PIP5K1C: variants seen among roughly 807,000 people sequenced by gnomAD.
PIP5K1C encodes the protein phosphatidylinositol 4-phosphate 5-kinase type-1 gamma.
Under a neutral mutation model 80.1 loss-of-function variants are expected in PIP5K1C, and 45 were observed. The observed-to-expected ratio is 0.56, with a 90% CI of 0.44 to 0.72. PIP5K1C has a LOEUF of 0.72. Among genes scored for constraint, PIP5K1C ranks in the 30% least tolerant of loss-of-function variants. PIP5K1C has a pLI of 0.00. For missense variants in PIP5K1C, 753 were observed against 954.6 expected (o/e 0.79, Z 2.78); for synonymous variants, 498 against 420.1 (o/e 1.19, Z -2.27).
At chr19:3,670,361 C>A (rs1359911428) in intron 1 of PIP5K1C, among the ~76,000 whole-genome samples, 1 of 151,916 alleles carries the variant, frequency 6.6e-6, no homozygotes, top group Non-Finnish European at 1.5e-5. Context: ...CCACCGCTGT[C>A]CTTATAAGAG....
intron 1 of PIP5K1C, among the ~76,000 whole-genome samples, chr19:3,689,516 G>C (rs1308213721): frequency 6.6e-6 from 1 of 152,124 alleles, no homozygotes; most frequent in Admixed American, 6.6e-5. Flanking sequence ...GGGTGTGGTG[G>C]CGGGCGCCTG....
At chr19:3,646,954 G>A (rs1342315829) in intron 10 of PIP5K1C, among the ~76,000 whole-genome samples, 1 of 150,970 alleles carries the variant, frequency 6.6e-6, no homozygotes, top group East Asian at 2.0e-4. Flanking sequence ...AGGGAGGAGG[G>A]ATGGGAGGAG....
At chr19:3,678,303 G>GAGAT (rs2035459292) in intron 1 of PIP5K1C, among the ~76,000 whole-genome samples, 1 of 130,400 alleles carries the variant, frequency 7.7e-6, no homozygotes, top group Non-Finnish European at 1.7e-5. Context: ...GAGGGATGGA[G>GAGAT]GGACGGAGGG....
At chr19:3,654,162 A>G (rs1416679581) in intron 6 of PIP5K1C, among the ~76,000 whole-genome samples, 3 of 152,104 alleles carry the variant, frequency 2.0e-5, no homozygotes. Context: ...CCCAGCCTCT[A>G]TGTTGGTTAT....
Position 3,676,796 on chromosome 19 carries a change from A to G in PIP5K1C, c.95-9443T>C, listed in dbSNP as rs564363247. 2.7e-3 allele frequency among the ~76,000 whole-genome samples: 413 copies of G among 152,328 alleles called. 3 individuals carry two copies. Among genetic ancestry groups the G allele is most frequent in the African/African-American group, 9.3e-3 (388 of 41,570 alleles). On this transcript the variant is annotated intron_variant, in intron 1 of 17. Transcript: ENST00000335312. The stretch of plus-strand genomic sequence containing the variant: ...TACCAAGAAAGAAAAAAAGGAGAGA[A>G]AGGGAGACTGCTTTTACTTTAAAAA...
intron 15 of PIP5K1C, among the ~76,000 whole-genome samples, chr19:3,640,553 C>G (rs1277193033): frequency 6.6e-6 from 1 of 152,112 alleles, no homozygotes; most frequent in Admixed American, 6.5e-5. Context: ...CACCATATCC[C>G]CAAAAGGGCC....
At chr19:3,684,184 T>G (rs897686935) in intron 1 of PIP5K1C, among the ~76,000 whole-genome samples, 14 of 152,094 alleles carry the variant, frequency 9.2e-5, no homozygotes, top group Non-Finnish European at 1.9e-4. Flanking sequence ...AGCCTCCCGC[T>G]CACAGCGCTG....
Position 3,700,378 on chromosome 19 carries a change from C to A in PIP5K1C, c.13G>T (p.Val5Leu). Residue 5 changes from valine to leucine, a missense_variant, in exon 1 of 18, where the codon GTA becomes TTA. This residue lies in a region of PIP5K1C where 78 missense variants were observed against 67.1 expected (regional missense o/e 1.16). Coordinates refer to ENST00000335312, the MANE Select transcript of PIP5K1C (RefSeq NM_012398.3). MELE[V>L]PDEAESAEAG... ...TCAGCGCTCTCCGCCTCGTCCGGTACCTCCAGCTCCATGGCCGCGCGCGGA... is the reference window on the plus strand; with the variant it reads ...TCAGCGCTCTCCGCCTCGTCCGGTAACTCCAGCTCCATGGCCGCGCGCGGA... 8.3e-7 allele frequency: 1 copy of A among 1,212,036 alleles called. No individual in the cohort carries two copies. Among genetic ancestry groups the A allele is most frequent in the South Asian group, 2.1e-5 (1 of 48,138 alleles). 75.1% of individuals were successfully genotyped at this position (1,212,036 alleles called of 1,614,324 possible).
At chr19:3,665,663 T>C (rs1270600739) in intron 2 of PIP5K1C, among the ~76,000 whole-genome samples, 1 of 152,022 alleles carries the variant, frequency 6.6e-6, no homozygotes, top group Non-Finnish European at 1.5e-5. Flanking sequence ...CTGAGGGAGA[T>C]GGTCTCACTG....
At chr19:3,676,570 G>A (rs1432931350) in intron 1 of PIP5K1C, among the ~76,000 whole-genome samples, 11 of 152,204 alleles carry the variant, frequency 7.2e-5, no homozygotes, top group Admixed American at 6.5e-5. Context: ...CCCCGACGGC[G>A]CGTGGCCAGG....
rs2036265023 is a variant in PIP5K1C, at chr19:3,700,436, T to A, written c.-46A>T. The A allele has an allele frequency of 3.0e-6, 3 of 994,544 alleles. No homozygotes were observed. Among genetic ancestry groups the A allele is most frequent in the Admixed American group, 1.1e-4 (2 of 17,658 alleles). The allele number at this position is 994,544 out of a possible 1,614,324, so 61.6% of individuals were successfully genotyped here. On this transcript the variant is annotated 5_prime_UTR_variant, in exon 1 of 18. Coordinates refer to ENST00000335312, the MANE Select transcript of PIP5K1C (RefSeq NM_012398.3). ...GGGGGCGCCCGAGGGGGACCCGAGCTGCGACCGCCGCCGCCGAACAACAAG... is the reference window on the plus strand; with the variant it reads ...GGGGGCGCCCGAGGGGGACCCGAGCAGCGACCGCCGCCGCCGAACAACAAG...
At chr19:3,697,629 C>T (rs1025062375) in intron 1 of PIP5K1C, among the ~76,000 whole-genome samples, 1 of 152,146 alleles carries the variant, frequency 6.6e-6, no homozygotes, top group African/African-American at 2.4e-5. Flanking sequence ...CCAGATCAGC[C>T]GTGGAAGTGG....
Position 3,641,796 on chromosome 19 carries a change from GCTC to G in PIP5K1C, c.1693_1695del (p.Glu565del). 2 of 1,611,650 alleles carry G rather than the reference GCTC, an allele frequency of 1.2e-6. No homozygotes were observed. Among genetic ancestry groups the G allele is most frequent in the South Asian group, 1.1e-5 (1 of 91,072 alleles). ...TGCTGCAGATCCTCTTCCGCGGGTG[GCTC>G]CTCCTGCGGCCTGCAGGCAATGGGA... On this transcript the variant is annotated inframe_deletion, in exon 15 of 18. Coordinates refer to ENST00000335312, the MANE Select transcript of PIP5K1C (RefSeq NM_012398.3).
chr19:3,678,783 G>A (rs1246856581), intron 1 of PIP5K1C, among the ~76,000 whole-genome samples: 5 of 134,892 alleles, frequency 3.7e-5, no homozygotes, highest in African/African-American at 1.4e-4. Flanking sequence ...CGGAGGGAGG[G>A]ATGGAGGGAG....
intron 1 of PIP5K1C, among the ~76,000 whole-genome samples, chr19:3,678,412 T>A (rs1364018021): frequency 1.7e-4 from 9 of 54,376 alleles, no homozygotes; most frequent in African/African-American, 6.9e-4. Context: ...AGAGATGGAG[T>A]GATGAAGGAT....
chr19:3,671,786 C>T (rs1020338454), intron 1 of PIP5K1C, among the ~76,000 whole-genome samples: 3 of 152,202 alleles, frequency 2.0e-5, no homozygotes, highest in East Asian at 3.9e-4. Flanking sequence ...ACTCAATCCT[C>T]GCTCCCCATG....
intron 14 of PIP5K1C, among the ~76,000 whole-genome samples, chr19:3,642,658 TA>T (rs59524365): frequency 3.8e-4 from 56 of 148,924 alleles, no homozygotes; most frequent in African/African-American, 1.2e-3. Flanking sequence ...TGTTTTAAGT[TA>T]AAAAAAAAAC....
chr19:3,661,137 C>T (rs1389062196), intron 4 of PIP5K1C, 54 bp from the exon 5 acceptor site: 4 of 1,211,640 alleles, frequency 3.3e-6, no homozygotes, highest in South Asian at 1.2e-5. Flanking sequence ...ACCTCTCCCC[C>T]ACCCCCGCCA....
At chr19:3,666,023 C>T (rs2034995376) in intron 2 of PIP5K1C, among the ~76,000 whole-genome samples, 1 of 152,262 alleles carries the variant, frequency 6.6e-6, no homozygotes, top group Non-Finnish European at 1.5e-5. Context: ...CCCAGGTGGC[C>T]GCCAGGGGGC....
Sources: gnomAD v4.1 joint callset for allele counts (sites outside exome capture counted in the v4.1 genomes callset) on GRCh38, gnomAD v4.1.1 for gene constraint, gnomAD v4.1.1 regional missense constraint, MANE v1.5 for transcripts, NCBI Gene and HGNC (gene_info 2026-07-23, HGNC 2026-07-21) for gene names.